Variants in PIGH observed in about 807,000 individuals in gnomAD.
PIGH encodes the protein phosphatidylinositol N-acetylglucosaminyltransferase subunit H.
Under a neutral mutation model 20.1 loss-of-function variants are expected in PIGH, and 11 were observed. That is an observed-to-expected ratio of 0.55 (90% CI 0.34 to 0.91). PIGH has a LOEUF of 0.91. Among genes scored for constraint, PIGH ranks in the 40% least tolerant of loss-of-function variants. The pLI, the probability that PIGH is intolerant of heterozygous loss-of-function variation, is 0.02. For synonymous variants in PIGH, 72 were observed against 93.1 expected (o/e 0.77, Z 1.31); for missense variants, 189 against 233.6 (o/e 0.81, Z 1.24).
chr14:67,592,786 C>G, intron 2 of PIGH, 68 bp from the exon 3 acceptor site: 1 of 1,007,072 alleles, frequency 9.9e-7, no homozygotes, highest in Non-Finnish European at 1.5e-6. Context: ...TTTCTTTTTC[C>G]TTTATTTATT....
At chr14:67,591,513 T>C (rs2036368893) in intron 3 of PIGH, among the ~76,000 whole-genome samples, 1 of 152,202 alleles carries the variant, frequency 6.6e-6, no homozygotes, top group East Asian at 1.9e-4. Flanking sequence ...TCTAAATTTA[T>C]TATTTTGTAA....
chr14:67,600,261 G>GT lies in PIGH; in HGVS notation c.-59_-58insA, dbSNP rs2036557595. 1.1e-5 allele frequency: 15 copies of GT among 1,416,130 alleles called. No homozygotes were observed. In the African/African-American group the frequency reaches 1.2e-4, roughly 11 times the overall value. 87.7% of individuals were successfully genotyped at this position (1,416,130 alleles called of 1,614,324 possible). On this transcript the variant is annotated 5_prime_UTR_variant, in exon 1 of 4. Coordinates refer to ENST00000216452, the MANE Select transcript of PIGH (RefSeq NM_004569.5). ...CGCTGCACTGCGCTCGCCGGCCCTG[G>GT]CCGTCTCGCCCGCTCCAGACCCGCT...
chr14:67,589,732 G>A lies in PIGH; in HGVS notation c.*348C>T. The A allele has an allele frequency of 9.9e-7, 1 of 1,011,988 alleles. No individual in the cohort carries two copies. The highest frequency in any genetic ancestry group is 1.2e-6 in the Non-Finnish European group (1 of 847,464). The allele number at this position is 1,011,988 out of a possible 1,614,324, so 62.7% of individuals were successfully genotyped here. ...AGCTTTCTCAAGACATCTGATGTCA[G>A]TTTCCCATTGTTTTGCTTCACAAAC... On this transcript the variant is annotated 3_prime_UTR_variant, in exon 4 of 4. Coordinates refer to ENST00000216452, the MANE Select transcript of PIGH (RefSeq NM_004569.5).
At chr14:67,590,233 C>A in intron 3 of PIGH, 61 bp from the exon 4 acceptor site, 1 of 1,278,192 alleles carries the variant, frequency 7.8e-7, no homozygotes, top group Non-Finnish European at 1.0e-6. Flanking sequence ...TGCAGTGGTG[C>A]TGCATCCACT....
rs1416504297 is a variant in PIGH at position 67,600,207 on chromosome 14, GC to G, written c.-5del. 6 of 1,566,476 alleles carry G rather than the reference GC, an allele frequency of 3.8e-6. No individual in the cohort carries two copies. In the African/African-American group the frequency reaches 6.8e-5, roughly 18 times the overall value. ...AAAAGCTCCGCTCATCCTCCATGAC[GC>G]CCCCACTCGGCCGCCCGCACCGCGC... On this transcript the variant is annotated 5_prime_UTR_variant, in exon 1 of 4. Transcript: ENST00000216452.
In PIGH at chr14:67,600,209, CCCCACT is replaced by C; in HGVS notation, c.-12_-7del. 1 of 1,563,684 alleles carries C rather than the reference CCCCACT, an allele frequency of 6.4e-7. No individual in the cohort carries two copies. ...AAGCTCCGCTCATCCTCCATGACGC[CCCCACT>C]CGGCCGCCCGCACCGCGCGGCGCTG... On this transcript the variant is annotated 5_prime_UTR_variant, in exon 1 of 4. Coordinates refer to ENST00000216452, the MANE Select transcript of PIGH (RefSeq NM_004569.5).
At chr14:67,597,521 T>C (rs1369868835) in intron 1 of PIGH, among the ~76,000 whole-genome samples, 1 of 152,042 alleles carries the variant, frequency 6.6e-6, no homozygotes, top group Non-Finnish European at 1.5e-5. Context: ...AAAAGTTTGC[T>C]TATCTCTGTG....
chr14:67,595,464 C>T (rs2140630694), intron 1 of PIGH, among the ~76,000 whole-genome samples: 1 of 152,324 alleles, frequency 6.6e-6, no homozygotes, highest in South Asian at 2.1e-4. Flanking sequence ...CACAGTGTAG[C>T]AGATACTATG....
At position 67,599,464 on chromosome 14, in the gene PIGH, G is replaced by A. The variant is rs572958949; in HGVS notation, c.180+560C>T. ...TTTCATAAACCTTTAGAAAGTACTT[G>A]AAATTGGGGAAGGGTTTGGGAGGAG... On this transcript the variant is annotated intron_variant, in intron 1 of 3. Coordinates refer to ENST00000216452, the MANE Select transcript of PIGH (RefSeq NM_004569.5). 6.6e-5 allele frequency among the ~76,000 whole-genome samples: 10 copies of A among 152,288 alleles called. No individual in the cohort carries two copies. The South Asian group carries it at 2.1e-3, about 32-fold the overall frequency.
At chr14:67,594,518 G>A (rs1019308133) in intron 1 of PIGH, among the ~76,000 whole-genome samples, 13 of 152,016 alleles carry the variant, frequency 8.6e-5, no homozygotes, top group South Asian at 6.2e-4. Flanking sequence ...GTGTTGGCAC[G>A]TGCCTCTAGT....
At chr14:67,592,520 A>C in intron 3 of PIGH, 115 bp downstream of exon 3, 8 of 635,680 alleles carry the variant, frequency 1.3e-5, no homozygotes, top group Non-Finnish European at 1.7e-5. Flanking sequence ...TGAAATCCTA[A>C]TTATCACTCA....
At position 67,589,453 on chromosome 14, in the gene PIGH, G is replaced by C. The variant is rs1359370898; in HGVS notation, c.*627C>G. 2.0e-6 allele frequency: 2 copies of C among 985,110 alleles called. No homozygotes were observed. The highest frequency in any genetic ancestry group is 2.4e-6 in the Non-Finnish European group (2 of 829,802). 61.0% of individuals were successfully genotyped at this position (985,110 alleles called of 1,614,324 possible). On this transcript the variant is annotated 3_prime_UTR_variant, in exon 4 of 4. Transcript: ENST00000216452. The stretch of plus-strand genomic sequence containing the variant: ...ATATAAAAAAAAATGCTGAGTAACA[G>C]AAAAGTATTAATGTGCTTGACACCA...
In PIGH at chr14:67,600,224, C is replaced by G. The variant is rs2036554834; in HGVS notation, c.-21G>C. 2 of 1,547,802 alleles carry G rather than the reference C, an allele frequency of 1.3e-6. No individual in the cohort carries two copies. The highest frequency in any genetic ancestry group is 8.7e-7 in the Non-Finnish European group (1 of 1,148,442). ...TCCATGACGCCCCCACTCGGCCGCC[C>G]GCACCGCGCGGCGCTGCACTGCGCT... On this transcript the variant is annotated 5_prime_UTR_variant, in exon 1 of 4. Transcript: ENST00000216452.
intron 2 of PIGH, 71 bp from the exon 3 acceptor site, chr14:67,592,789 T>C: frequency 1.0e-6 from 1 of 967,212 alleles, no homozygotes; most frequent in Non-Finnish European, 1.6e-6. Flanking sequence ...CTTTTTCCTT[T>C]ATTTATTTAT....
At chr14:67,599,877 G>C in intron 1 of PIGH, 147 bp downstream of exon 1, 1 of 616,596 alleles carries the variant, frequency 1.6e-6, no homozygotes, top group Non-Finnish European at 2.8e-6. Context: ...GCGGAATATC[G>C]TCCCCAGAAC....
chr14:67,590,227 G>T, intron 3 of PIGH, 55 bp from the exon 4 acceptor site: 8 of 1,373,632 alleles, frequency 5.8e-6, no homozygotes, highest in African/African-American at 1.5e-5. Context: ...AGGGAGTGCA[G>T]TGGTGCTGCA....
chr14:67,592,462 A>G (rs1469830968), intron 3 of PIGH, 173 bp downstream of exon 3: 1 of 567,212 alleles, frequency 1.8e-6, no homozygotes, highest in African/African-American at 1.9e-5. Flanking sequence ...ATGTGCATGA[A>G]TATTTTTAAG....
intron 1 of PIGH, among the ~76,000 whole-genome samples, chr14:67,596,630 C>T (rs2036480480): frequency 6.6e-6 from 1 of 152,144 alleles, no homozygotes; most frequent in African/African-American, 2.4e-5. Context: ...ACCTTGACAT[C>T]TTTGTTGGGC....
Position 67,590,361 on chromosome 14 carries a change from T to C in PIGH, c.475-189A>G, listed in dbSNP as rs1001792256. Among the ~76,000 whole-genome samples, 4 of 151,434 alleles carry C rather than the reference T, an allele frequency of 2.6e-5. No homozygotes were observed. The South Asian group carries it at 8.4e-4, about 32-fold the overall frequency. ...TCCGCCTCCCAGGTTCAAGTGATTC[T>C]CCTGCTTCAGCCTCCCGAGTAGCTG... On this transcript the variant is annotated intron_variant, in intron 3 of 3. Coordinates refer to ENST00000216452, the MANE Select transcript of PIGH (RefSeq NM_004569.5).
Sources: gnomAD v4.1 joint callset for allele counts (sites outside exome capture counted in the v4.1 genomes callset) on GRCh38, gnomAD v4.1.1 for gene constraint, MANE v1.5 for transcripts, NCBI Gene and HGNC (gene_info 2026-07-23, HGNC 2026-07-21) for gene names.